REV3L: variants seen among roughly 807,000 people sequenced by gnomAD.
REV3L encodes DNA polymerase zeta catalytic subunit.
REV3L carries 69 observed loss-of-function variants against 299.4 expected under a neutral mutation model. The observed-to-expected ratio is 0.23, with a 90% CI of 0.19 to 0.28. The LOEUF (loss-of-function observed/expected upper bound fraction) is 0.28, where lower values mean the gene tolerates loss of function less well. Ranked by LOEUF, REV3L falls within the 10% of genes least tolerant of loss-of-function variation. REV3L has a pLI of 1.00. For synonymous variants in REV3L, 1,238 were observed against 1,271.4 expected (o/e 0.97, Z 0.56); for missense variants, 3,128 against 3,693.8 (o/e 0.85, Z 3.97).
chr6:111,472,791 A>C (rs768619226), intron 1 of REV3L, among the ~76,000 whole-genome samples: 1 of 152,194 alleles, frequency 6.6e-6, no homozygotes, highest in Non-Finnish European at 1.5e-5. Flanking sequence ...AAAACTTAGA[A>C]GGAACGACAG....
chr6:111,420,066 C>T (rs967990998), intron 1 of REV3L, among the ~76,000 whole-genome samples: 5 of 152,176 alleles, frequency 3.3e-5, no homozygotes, highest in East Asian at 1.9e-4. Context: ...AGGATGGTCT[C>T]GATCTCCTGA....
Position 111,482,928 on chromosome 6 carries a change from C to A in REV3L, c.-40G>T, listed in dbSNP as rs766292976. On this transcript the variant is annotated 5_prime_UTR_variant, in exon 1 of 32. Coordinates refer to ENST00000368802, the MANE Select transcript of REV3L (RefSeq NM_001372078.1). Reference sequence around the variant, plus strand: ...CCACTGCCTCCCTTCACTGGCGACCCGGCAGCGGCAGCAGCAGCGGCGGCG... The same window carrying A: ...CCACTGCCTCCCTTCACTGGCGACCAGGCAGCGGCAGCAGCAGCGGCGGCG... The A allele has an allele frequency of 2.0e-6, 3 of 1,486,008 alleles. No homozygotes were observed. The highest frequency in any genetic ancestry group is 2.7e-6 in the Non-Finnish European group (3 of 1,128,506). 92.1% of individuals were successfully genotyped at this position (1,486,008 alleles called of 1,614,324 possible).
At chr6:111,470,561 G>A (rs571739373) in intron 1 of REV3L, among the ~76,000 whole-genome samples, 11 of 152,248 alleles carry the variant, frequency 7.2e-5, no homozygotes, top group African/African-American at 2.2e-4. Context: ...GTAAAATGAC[G>A]TAAAATTAAG....
At chr6:111,320,033 C>T (rs1364214390) in intron 26 of REV3L, among the ~76,000 whole-genome samples, 1 of 150,464 alleles carries the variant, frequency 6.6e-6, no homozygotes, top group Non-Finnish European at 1.5e-5. Context: ...GCCTCGGCCT[C>T]CCAAAGTGCA....
intron 9 of REV3L, among the ~76,000 whole-genome samples, chr6:111,384,504 A>C (rs1290842764): frequency 6.6e-6 from 1 of 152,256 alleles, no homozygotes; most frequent in Non-Finnish European, 1.5e-5. Context: ...GCTCAACATC[A>C]CTGATCATCA....
chr6:111,389,935 C>T (rs1781740032), intron 6 of REV3L, 151 bp downstream of exon 6: 1 of 483,168 alleles, frequency 2.1e-6, no homozygotes, highest in African/African-American at 2.0e-5. Context: ...GACGGGGTTT[C>T]ACCATGTTGG....
chr6:111,375,329 T>A lies in REV3L; in HGVS notation c.3026A>T (p.Glu1009Val), dbSNP rs1780191520. The A allele has an allele frequency of 3.8e-6, 6 of 1,579,214 alleles. No individual in the cohort carries two copies. Residue 1009 changes from glutamate to valine, a missense_variant, in exon 13 of 32, where the codon GAA becomes GTA. Coordinates refer to ENST00000368802, the MANE Select transcript of REV3L (RefSeq NM_001372078.1). ...AAGCTTTTTATATAGTTCCATTTTT[T>A]CTTCTGTTAATATTACTTGTTTTTC... Reference protein sequence around the residue: ...SKEKQVILTEEKMELYKKLAP... With the variant: ...SKEKQVILTEVKMELYKKLAP...
At chr6:111,310,141 A>C in intron 29 of REV3L, 42 bp from the exon 30 acceptor site, 1 of 1,467,336 alleles carries the variant, frequency 6.8e-7, no homozygotes, top group South Asian at 1.6e-5. Context: ...AAATACTGTT[A>C]TGGAAGCCAT....
At chr6:111,472,256 C>G in intron 1 of REV3L, 1 of 421,962 alleles carries the variant, frequency 2.4e-6, no homozygotes. Context: ...CAAAGTCTTT[C>G]ATTTCACCAT....
In REV3L at chr6:111,367,210, T is replaced by G. The variant is rs755842586; in HGVS notation, c.6578A>C (p.Lys2193Thr). 1.9e-6 allele frequency: 3 copies of G among 1,614,058 alleles called. No individual in the cohort carries two copies. Among genetic ancestry groups the G allele is most frequent in the East Asian group, 2.2e-5 (1 of 44,878 alleles). ...ACTATGAAAGCAAAGTGATTCACAT[T>G]TCCCAGTTCTTGCCCTAGTATTAAT... is the stretch of plus-strand genomic sequence containing the variant. Reference protein sequence around the residue: ...SPINTRARTGKCESLCFHSTP... With the variant: ...SPINTRARTGTCESLCFHSTP... The change falls in exon 14 of 32, where the codon AAA (lysine) becomes ACA (threonine). Residue 2193 changes from lysine (K) to threonine (T), a missense_variant. Physicochemically the swap from Lys to Thr is moderately conservative, Grantham distance 78. Transcript: ENST00000368802.
intron 19 of REV3L, among the ~76,000 whole-genome samples, chr6:111,351,045 G>A (rs1777523398): frequency 6.6e-6 from 1 of 152,078 alleles, no homozygotes; most frequent in Non-Finnish European, 1.5e-5. Flanking sequence ...AGAAAACATA[G>A]TTTTAAAAAG....
intron 1 of REV3L, among the ~76,000 whole-genome samples, chr6:111,421,744 A>G (rs1785383631): frequency 1.3e-5 from 2 of 152,180 alleles, no homozygotes; most frequent in South Asian, 4.1e-4. Context: ...TTCAATCTAA[A>G]CAAGGTTTTA....
intron 9 of REV3L, among the ~76,000 whole-genome samples, chr6:111,382,588 C>T (rs1693637411): frequency 6.6e-6 from 1 of 152,192 alleles, no homozygotes; most frequent in South Asian, 2.1e-4. Context: ...CAGTCCAGAA[C>T]CTGAGTTGCA....
chr6:111,310,358 C>G, intron 29 of REV3L: 1 of 280,578 alleles, frequency 3.6e-6, no homozygotes, highest in Non-Finnish European at 6.4e-6. Context: ...CAGATATCAA[C>G]TAGCTTAAGA....
At chr6:111,389,295 C>T in intron 6 of REV3L, 85 bp from the exon 7 acceptor site, 1 of 977,518 alleles carries the variant, frequency 1.0e-6, no homozygotes, top group Non-Finnish European at 1.6e-6. Flanking sequence ...CAAATACTGC[C>T]TTTAAAAAAA....
At chr6:111,428,022 A>G (rs78117680) in intron 1 of REV3L, among the ~76,000 whole-genome samples, 9 of 149,778 alleles carry the variant, frequency 6.0e-5, no homozygotes, top group South Asian at 2.1e-4. Context: ...AGATTTAAGA[A>G]AAAAAAAAAA....
chr6:111,440,795 T>A (rs754883418), intron 1 of REV3L, among the ~76,000 whole-genome samples: 5 of 152,150 alleles, frequency 3.3e-5, no homozygotes, highest in Non-Finnish European at 5.9e-5. Flanking sequence ...GGCAACAGAT[T>A]CCCTCAATGT....
chr6:111,336,552 A>G (rs909555772), intron 21 of REV3L, among the ~76,000 whole-genome samples: 15 of 152,180 alleles, frequency 9.9e-5, no homozygotes, highest in Non-Finnish European at 1.8e-4. Flanking sequence ...GAGACATTGG[A>G]ATCCTCATAT....
At chr6:111,343,558 C>T (rs1212593213) in intron 21 of REV3L, among the ~76,000 whole-genome samples, 3 of 152,178 alleles carry the variant, frequency 2.0e-5, no homozygotes, top group Non-Finnish European at 4.4e-5. Flanking sequence ...GAGATAGAGT[C>T]TCACTCTGTC....
Sources: allele counts gnomAD v4.1 joint callset (sites outside exome capture counted in the v4.1 genomes callset), GRCh38; gene constraint gnomAD v4.1.1; transcripts MANE v1.5; gene names NCBI Gene and HGNC (gene_info 2026-07-23, HGNC 2026-07-21).